The following RERE variants were observed in gnomAD, a reference collection of about 807,000 sequenced individuals.
The protein encoded by RERE is arginine-glutamic acid dipeptide repeats protein.
In RERE, 40 loss-of-function variants were observed where a neutral mutation model predicts 146.1. The observed-to-expected ratio is 0.27, with a 90% CI of 0.21 to 0.36. RERE has a LOEUF of 0.36. RERE is among the 10% of genes least tolerant of loss of function. RERE has a pLI of 1.00. For synonymous variants in RERE, 1,003 were observed against 866.0 expected, an observed-to-expected ratio of 1.16 and a Z score of -2.78; for missense variants, 1,933 against 2,138.7, an observed-to-expected ratio of 0.90 and a Z score of 1.90.
chr1:8,459,402 G>C (rs12080841), intron 11 of RERE, among the ~76,000 whole-genome samples: 75 of 152,202 alleles, frequency 4.9e-4, no homozygotes, highest in African/African-American at 1.7e-3. Flanking sequence ...ATTTAAAACT[G>C]GAGGAAGGGT....
intron 11 of RERE, among the ~76,000 whole-genome samples, chr1:8,428,104 T>C (rs2124479207): frequency 6.6e-6 from 1 of 152,206 alleles, no homozygotes; most frequent in East Asian, 1.9e-4. Context: ...CATTAGTTTT[T>C]CTATCACTCC....
At chr1:8,507,238 T>C (rs776693402) in intron 8 of RERE, among the ~76,000 whole-genome samples, 1 of 152,214 alleles carries the variant, frequency 6.6e-6, no homozygotes, top group Non-Finnish European at 1.5e-5. Context: ...ATCGTGCCTC[T>C]GTGCTCTAGC....
intron 10 of RERE, among the ~76,000 whole-genome samples, chr1:8,473,003 T>C (rs554731603): frequency 3.9e-5 from 6 of 152,356 alleles, no homozygotes; most frequent in Admixed American, 3.3e-4. Context: ...CTAGGATTTA[T>C]GATTAGGGAA....
chr1:8,689,955 G>A (rs973592000), intron 1 of RERE, among the ~76,000 whole-genome samples: 2 of 152,126 alleles, frequency 1.3e-5, no homozygotes, highest in African/African-American at 4.8e-5. Flanking sequence ...GCCAGTAAAG[G>A]CTGTTCAGTA....
chr1:8,360,137 G>A lies in RERE; in HGVS notation c.3370C>T (p.Pro1124Ser), dbSNP rs1641497778. The change falls in exon 18 of 23, where the codon CCC becomes TCC. Residue 1124 changes from proline (P) to serine (S), a missense_variant. Around this residue, in one of 11 missense-constraint regions of RERE, gnomAD observed 1,255 missense variants for 1,153.8 expected, o/e 1.09. Transcript: ENST00000400908. ...CTAGCTGACTGGCTGGCGTGACTGG[G>A]GGTGTCCACCACAGTGGGCTCCGGG... ...PSPEPTVVDT[P>S]SHASQSARFY... 1.3e-6 allele frequency: 2 copies of A among 1,589,232 alleles called. No homozygotes were observed. The highest frequency in any genetic ancestry group is 1.7e-6 in the Non-Finnish European group (2 of 1,166,726).
chr1:8,698,570 T>C (rs984288962), intron 1 of RERE, among the ~76,000 whole-genome samples: 1 of 152,252 alleles, frequency 6.6e-6, no homozygotes, highest in Non-Finnish European at 1.5e-5. Context: ...CAAAAGCTCA[T>C]TCATCTTGTG....
chr1:8,637,830 C>T (rs1041771422), intron 2 of RERE, among the ~76,000 whole-genome samples: 2 of 152,206 alleles, frequency 1.3e-5, no homozygotes, highest in African/African-American at 2.4e-5. Context: ...CAAAGCCCTA[C>T]GATACACTAG....
At chr1:8,531,024 T>C (rs1645642262) in intron 7 of RERE, among the ~76,000 whole-genome samples, 2 of 135,590 alleles carry the variant, frequency 1.5e-5, no homozygotes, top group South Asian at 4.7e-4. Context: ...TATCTATCTA[T>C]CTATCTATCT....
At chr1:8,709,082 TA>T (rs1160236323) in intron 1 of RERE, among the ~76,000 whole-genome samples, 1 of 151,502 alleles carries the variant, frequency 6.6e-6, no homozygotes, top group Non-Finnish European at 1.5e-5. Context: ...CCAGCTAATT[TA>T]TTTTTTTTGT....
intron 1 of RERE, among the ~76,000 whole-genome samples, chr1:8,714,999 G>A (rs370467626): frequency 2.0e-5 from 3 of 151,548 alleles, no homozygotes; most frequent in East Asian, 3.9e-4. Flanking sequence ...TCAGCCTCCC[G>A]AATAGCTGGG....
At position 8,607,927 on chromosome 1, in the gene RERE, T is replaced by TGTTGGCCAG. The variant is rs1646741661; in HGVS notation, c.522+6625_522+6633dup. On this transcript the variant is annotated intron_variant, in intron 4 of 22. Coordinates refer to ENST00000400908, the MANE Select transcript of RERE (RefSeq NM_001042681.2). ...TTTTAGTAGAGACAAGGTTTTGCCA[T>TGTTGGCCAG]GTTGGCCAGGTTGGCCTCGAACTCC... Among the ~76,000 whole-genome samples the TGTTGGCCAG allele has an allele frequency of 2.6e-5, 4 of 152,260 alleles. No homozygotes were observed. The South Asian group carries it at 8.3e-4, about 32-fold the overall frequency.
chr1:8,516,145 A>G (rs2124325217), intron 7 of RERE, among the ~76,000 whole-genome samples: 1 of 144,940 alleles, frequency 6.9e-6, no homozygotes, highest in Non-Finnish European at 1.5e-5. Flanking sequence ...AAATTGCTCA[A>G]ACCCAGGAGA....
chr1:8,383,977 G>T (rs1381728613), intron 12 of RERE, among the ~76,000 whole-genome samples: 1 of 152,198 alleles, frequency 6.6e-6, no homozygotes, highest in African/African-American at 2.4e-5. Flanking sequence ...TCACTAGAGT[G>T]TCACAAACTC....
chr1:8,627,592 T>C lies in RERE; in HGVS notation c.326-3212A>G, dbSNP rs568217701. Reference sequence around the variant, plus strand: ...ACTCCAGCCTGGGTGACAGTGAAACTGTCTCAAAAAAAAAAAAAAACCTGA... The same window carrying C: ...ACTCCAGCCTGGGTGACAGTGAAACCGTCTCAAAAAAAAAAAAAAACCTGA... On this transcript the variant is annotated intron_variant, in intron 2 of 22. Coordinates refer to ENST00000400908, the MANE Select transcript of RERE (RefSeq NM_001042681.2). Among the ~76,000 whole-genome samples the C allele has an allele frequency of 3.6e-3, 387 of 107,472 alleles. 2 individuals are homozygous for C. The highest frequency in any genetic ancestry group is 0.012 in the African/African-American group (367 of 29,890). 70.5% of individuals were successfully genotyped at this position (107,472 alleles called of 152,430 possible).
Position 8,360,354 on chromosome 1 carries a change from G to A in RERE, c.3153C>T (p.Thr1051=), listed in dbSNP as rs1212038837. ...CCGGTGGGGTAGAGGTGGAGGGGCA[G>A]GTCGGAGGGGTGATGGGAGGAGGGC... The part of the protein sequence containing the change: ...PGGPPPITPP[T]CPSTSTPPAG... The change falls in exon 18 of 23, where the codon ACC becomes ACT. Residue 1051 remains threonine, a synonymous_variant. Coordinates refer to ENST00000400908, the MANE Select transcript of RERE (RefSeq NM_001042681.2). 2.0e-6 allele frequency: 3 copies of A among 1,486,778 alleles called. No homozygotes were observed. The highest frequency in any genetic ancestry group is 2.7e-6 in the Non-Finnish European group (3 of 1,116,306). The allele number at this position is 1,486,778 out of a possible 1,614,324, so 92.1% of individuals were successfully genotyped here. A position where few individuals can be genotyped will look rare whatever the true frequency, so the allele number is the denominator to read the frequency against.
intron 11 of RERE, among the ~76,000 whole-genome samples, chr1:8,440,842 A>T (rs1276218311): frequency 6.6e-6 from 1 of 151,700 alleles, no homozygotes; most frequent in Non-Finnish European, 1.5e-5. Context: ...AGTTGCAGTG[A>T]ACCAAGACCA....
chr1:8,609,566 T>A (rs1646765646), intron 4 of RERE, among the ~76,000 whole-genome samples: 1 of 152,126 alleles, frequency 6.6e-6, no homozygotes, highest in Admixed American at 6.5e-5. Context: ...GCATACTTAA[T>A]GGGGAGTATG....
At chr1:8,499,568 G>A (rs1481231962) in intron 8 of RERE, among the ~76,000 whole-genome samples, 1 of 152,212 alleles carries the variant, frequency 6.6e-6, no homozygotes, top group Non-Finnish European at 1.5e-5. Flanking sequence ...GTAAAAGTTT[G>A]TGGTTTTAAA....
chr1:8,638,646 C>A (rs1647132293), intron 2 of RERE, among the ~76,000 whole-genome samples: 1 of 152,140 alleles, frequency 6.6e-6, no homozygotes, highest in East Asian at 1.9e-4. Flanking sequence ...ACTGACCATA[C>A]AACAAATGTT....
Sources: gnomAD v4.1 joint callset for allele counts (sites outside exome capture counted in the v4.1 genomes callset) on GRCh38, gnomAD v4.1.1 for gene constraint, gnomAD v4.1.1 regional missense constraint, MANE v1.5 for transcripts, NCBI Gene and HGNC (gene_info 2026-07-23, HGNC 2026-07-21) for gene names.